The following LRRC3B variants were observed in gnomAD, a reference collection of about 807,000 sequenced individuals.
LRRC3B encodes leucine-rich repeat-containing protein 3B.
Under a neutral mutation model 12.8 loss-of-function variants are expected in LRRC3B, and 2 were observed. The ratio of observed to expected loss-of-function variants is 0.16; its 90% CI spans 0.06 to 0.49. The LOEUF is 0.49. Among genes scored for constraint, LRRC3B ranks in the 20% least tolerant of loss-of-function variants. LRRC3B has a pLI of 0.96. For missense variants in LRRC3B, 189 were observed against 319.4 expected, an observed-to-expected ratio of 0.59 and a Z score of 3.11; for synonymous variants, 132 against 122.0, an observed-to-expected ratio of 1.08 and a Z score of -0.54.
At chr3:26,682,024 AAATAT>A (rs1253132476) in intron 1 of LRRC3B, among the ~76,000 whole-genome samples, 3 of 151,988 alleles carry the variant, frequency 2.0e-5, no homozygotes, top group Non-Finnish European at 4.4e-5. Context: ...AATAATAATA[AAATAT>A]AATGATTATA....
intron 1 of LRRC3B, among the ~76,000 whole-genome samples, chr3:26,687,367 T>C (rs544618461): frequency 1.3e-5 from 2 of 152,366 alleles, no homozygotes; most frequent in East Asian, 3.9e-4. Flanking sequence ...TGACAATCAG[T>C]GTATCCTCTG....
At chr3:26,685,222 G>A (rs192664409) in intron 1 of LRRC3B, among the ~76,000 whole-genome samples, 1 of 152,094 alleles carries the variant, frequency 6.6e-6, no homozygotes, top group Non-Finnish European at 1.5e-5. Context: ...CAAAATGCTG[G>A]GATTGCAGGC....
At chr3:26,663,249 A>G (rs1699532064) in intron 1 of LRRC3B, among the ~76,000 whole-genome samples, 3 of 152,140 alleles carry the variant, frequency 2.0e-5, no homozygotes, top group Admixed American at 6.5e-5. Flanking sequence ...GCTTTTGTTC[A>G]TATAGTGATT....
intron 1 of LRRC3B, among the ~76,000 whole-genome samples, chr3:26,637,524 G>C (rs895295771): frequency 6.6e-6 from 1 of 152,204 alleles, no homozygotes; most frequent in African/African-American, 2.4e-5. Context: ...GTTGTAAATT[G>C]ACCAGGAAGT....
chr3:26,675,313 G>C (rs1285916167), intron 1 of LRRC3B, among the ~76,000 whole-genome samples: 1 of 152,198 alleles, frequency 6.6e-6, no homozygotes, highest in African/African-American at 2.4e-5. Context: ...CCACTGACAA[G>C]GTTGAGGTTG....
chr3:26,666,008 C>T (rs763341545), intron 1 of LRRC3B, among the ~76,000 whole-genome samples: 4 of 152,132 alleles, frequency 2.6e-5, no homozygotes, highest in Non-Finnish European at 4.4e-5. Flanking sequence ...TATATCCCAT[C>T]TTCATTAATT....
chr3:26,707,966 A>G (rs1035905521), intron 1 of LRRC3B, among the ~76,000 whole-genome samples: 1 of 152,182 alleles, frequency 6.6e-6, no homozygotes, highest in African/African-American at 2.4e-5. Flanking sequence ...GTTTTCCAAA[A>G]GCACGTCTGC....
chr3:26,666,613 T>A (rs1488737677), intron 1 of LRRC3B, among the ~76,000 whole-genome samples: 1 of 151,946 alleles, frequency 6.6e-6, no homozygotes, highest in African/African-American at 2.4e-5. Flanking sequence ...GAACAGGGAG[T>A]TCCTATATAA....
At chr3:26,704,659 C>T (rs968114829) in intron 1 of LRRC3B, among the ~76,000 whole-genome samples, 1 of 152,022 alleles carries the variant, frequency 6.6e-6, no homozygotes, top group Non-Finnish European at 1.5e-5. Flanking sequence ...CTCAATCTAT[C>T]TCATAAGTAG....
intron 1 of LRRC3B, among the ~76,000 whole-genome samples, chr3:26,641,598 G>T (rs1699032801): frequency 6.6e-6 from 1 of 152,142 alleles, no homozygotes; most frequent in South Asian, 2.1e-4. Flanking sequence ...GAAGTGGCAG[G>T]ATGGAACGTG....
At chr3:26,651,284 C>T (rs1266247623) in intron 1 of LRRC3B, among the ~76,000 whole-genome samples, 1 of 152,168 alleles carries the variant, frequency 6.6e-6, no homozygotes, top group Admixed American at 6.5e-5. Flanking sequence ...ATGCAAACAT[C>T]ACCTCATCAG....
At chr3:26,653,388 G>C (rs1699305806) in intron 1 of LRRC3B, among the ~76,000 whole-genome samples, 1 of 152,086 alleles carries the variant, frequency 6.6e-6, no homozygotes, top group Admixed American at 6.6e-5. Flanking sequence ...TCAAAAAGCT[G>C]ATTTGAAATA....
At chr3:26,699,758 T>C (rs532074830) in intron 1 of LRRC3B, among the ~76,000 whole-genome samples, 1 of 152,266 alleles carries the variant, frequency 6.6e-6, no homozygotes, top group South Asian at 2.1e-4. Flanking sequence ...GTTGTAAATG[T>C]CATAAGCATT....
intron 1 of LRRC3B, among the ~76,000 whole-genome samples, chr3:26,672,004 C>T (rs1699759026): frequency 1.3e-5 from 2 of 152,156 alleles, no homozygotes; most frequent in Non-Finnish European, 1.5e-5. Flanking sequence ...TTGTTAAACT[C>T]ATTTTAAATA....
intron 1 of LRRC3B, among the ~76,000 whole-genome samples, chr3:26,663,026 A>G (rs988530070): frequency 6.0e-4 from 91 of 152,128 alleles, no homozygotes; most frequent in African/African-American, 2.0e-3. Context: ...TTGCTGTGCC[A>G]GATCTGCCAC....
chr3:26,706,781 G>T (rs1175838824), intron 1 of LRRC3B, among the ~76,000 whole-genome samples: 1 of 152,166 alleles, frequency 6.6e-6, no homozygotes, highest in Non-Finnish European at 1.5e-5. Flanking sequence ...TCTCCTAGGA[G>T]CCTGAACATA....
At chr3:26,628,421 TG>T (rs199719474) in intron 1 of LRRC3B, among the ~76,000 whole-genome samples, 3,763 of 55,444 alleles carry the variant, frequency 0.068, 134 homozygotes, top group East Asian at 0.36. Flanking sequence ...AAGAAGATAC[TG>T]GAAAAAAAAA....
intron 1 of LRRC3B, among the ~76,000 whole-genome samples, chr3:26,631,115 CA>C (rs1221626389): frequency 6.6e-6 from 1 of 152,156 alleles, no homozygotes; most frequent in East Asian, 1.9e-4. Context: ...GATCCTTTAT[CA>C]GGGCCACAAC....
chr3:26,672,367 A>C (rs1699766366), intron 1 of LRRC3B, among the ~76,000 whole-genome samples: 1 of 152,164 alleles, frequency 6.6e-6, no homozygotes, highest in Non-Finnish European at 1.5e-5. Context: ...CTCAGTTCTT[A>C]ATGGCTTAGT....
Sources: allele counts gnomAD v4.1 joint callset (sites outside exome capture counted in the v4.1 genomes callset), GRCh38; gene constraint gnomAD v4.1.1; transcripts MANE v1.5; gene names NCBI Gene and HGNC (gene_info 2026-07-23, HGNC 2026-07-21).